The following TCF12 variants were observed in gnomAD, a reference collection of about 807,000 sequenced individuals.
TCF12 encodes the protein DNA-binding protein HTF4.
TCF12 carries 45 observed loss-of-function variants against 86.0 expected under a neutral mutation model. The ratio of observed to expected loss-of-function variants is 0.52; its 90% CI spans 0.41 to 0.67. TCF12 has a LOEUF of 0.67. TCF12 is among the 30% of genes least tolerant of loss of function. The pLI is 0.00. For missense variants in TCF12, 881 were observed against 859.9 expected (o/e 1.02, Z -0.31); for synonymous variants, 330 against 299.6 (o/e 1.10, Z -1.05).
intron 3 of TCF12, among the ~76,000 whole-genome samples, chr15:57,039,568 A>G (rs115698013): frequency 0.032 from 4,522 of 140,902 alleles, 190 homozygotes; most frequent in African/African-American, 0.093. Context: ...CCCATGACCA[A>G]AAAAAATCCT....
At chr15:57,064,222 A>G (rs1829124869) in intron 4 of TCF12, among the ~76,000 whole-genome samples, 2 of 152,304 alleles carry the variant, frequency 1.3e-5, no homozygotes, top group South Asian at 4.1e-4. Context: ...AGCCCTTTGC[A>G]TCAGGAACTC....
chr15:57,199,371 A>G (rs556478100), intron 8 of TCF12, among the ~76,000 whole-genome samples: 7 of 152,158 alleles, frequency 4.6e-5, no homozygotes, highest in Non-Finnish European at 1.0e-4. Context: ...TTTTCTTGTA[A>G]TTTATTACTG....
At chr15:57,104,510 C>G (rs1408033195) in intron 5 of TCF12, among the ~76,000 whole-genome samples, 1 of 134,260 alleles carries the variant, frequency 7.4e-6, no homozygotes, top group Non-Finnish European at 1.5e-5. Context: ...GGAGCGATCT[C>G]GGCTCACCAC....
At chr15:57,020,595 A>G (rs1401563715) in intron 3 of TCF12, among the ~76,000 whole-genome samples, 1 of 152,224 alleles carries the variant, frequency 6.6e-6, no homozygotes, top group Non-Finnish European at 1.5e-5. Context: ...GTAGAGAACC[A>G]TTATGTCTTA....
intron 19 of TCF12, 78 bp downstream of exon 19, chr15:57,273,340 T>C: frequency 1.4e-6 from 2 of 1,428,704 alleles, no homozygotes; most frequent in Non-Finnish European, 1.9e-6. Context: ...GCTCTTCTGC[T>C]TGGAGAAGTT....
chr15:56,918,465 C>T, upstream of TCF12: 1 of 334,774 alleles, frequency 3.0e-6, no homozygotes, highest in Non-Finnish European at 5.9e-6. Flanking sequence ...CCCACCGGCC[C>T]CAACTCCGTC....
At chr15:57,259,069 A>G (rs530697335) in intron 16 of TCF12, among the ~76,000 whole-genome samples, 99 of 152,238 alleles carry the variant, frequency 6.5e-4, no homozygotes, top group African/African-American at 2.4e-3. Flanking sequence ...TTTTTCCTAA[A>G]TGGGCAATTT....
chr15:56,986,496 G>A (rs1433815969), intron 3 of TCF12, among the ~76,000 whole-genome samples: 2 of 152,108 alleles, frequency 1.3e-5, no homozygotes, highest in Non-Finnish European at 2.9e-5. Context: ...AGCTGACTGT[G>A]TAAAAATCTT....
At chr15:57,210,731 C>T (rs745814254) in intron 8 of TCF12, among the ~76,000 whole-genome samples, 3 of 152,150 alleles carry the variant, frequency 2.0e-5, no homozygotes, top group Non-Finnish European at 2.9e-5. Context: ...GGCAAGGAAG[C>T]GTCCTCAAGA....
At chr15:56,926,218 CAGG>C (rs1179357831) in intron 3 of TCF12, among the ~76,000 whole-genome samples, 1 of 151,054 alleles carries the variant, frequency 6.6e-6, no homozygotes, top group Non-Finnish European at 1.5e-5. Context: ...GAGGCTGAGG[CAGG>C]AGAATTGCTT....
At chr15:57,028,166 C>G (rs1177362918) in intron 3 of TCF12, among the ~76,000 whole-genome samples, 1 of 152,090 alleles carries the variant, frequency 6.6e-6, no homozygotes, top group African/African-American at 2.4e-5. Context: ...CGGGGTTTCG[C>G]CATGTTGGGC....
At chr15:57,056,656 G>A (rs556597499) in intron 3 of TCF12, among the ~76,000 whole-genome samples, 2 of 151,298 alleles carry the variant, frequency 1.3e-5, no homozygotes, top group South Asian at 4.2e-4. Context: ...ATAGAGTTTT[G>A]CCATGTTGCT....
intron 16 of TCF12, 144 bp from the exon 17 acceptor site, chr15:57,261,950 C>T (rs549751695): frequency 9.7e-6 from 5 of 515,362 alleles, no homozygotes; most frequent in Non-Finnish European, 1.0e-5. Flanking sequence ...TCCCCAAAAA[C>T]CAGAATAATG....
intron 18 of TCF12, among the ~76,000 whole-genome samples, chr15:57,264,336 G>C (rs1309366118): frequency 1.3e-5 from 2 of 149,974 alleles, no homozygotes; most frequent in East Asian, 4.0e-4. Context: ...AAGTAGCTGG[G>C]ATTACAGGCA....
At chr15:57,114,698 A>C (rs2050723095) in intron 5 of TCF12, among the ~76,000 whole-genome samples, 1 of 152,134 alleles carries the variant, frequency 6.6e-6, no homozygotes, top group Admixed American at 6.5e-5. Flanking sequence ...AGGGTACATG[A>C]ATTCCTCTCA....
intron 18 of TCF12, among the ~76,000 whole-genome samples, chr15:57,268,783 C>A (rs74920560): frequency 0.048 from 7,340 of 151,496 alleles, 484 homozygotes; most frequent in African/African-American, 0.15. Flanking sequence ...GAAAAGTATG[C>A]ACAAAAATCA....
intron 3 of TCF12, among the ~76,000 whole-genome samples, chr15:56,925,247 C>CA (rs1555447376): frequency 1.5e-5 from 2 of 136,292 alleles, no homozygotes; most frequent in Non-Finnish European, 3.2e-5. Flanking sequence ...ACCGCCCCCC[C>CA]ACCCCCCCGC....
chr15:56,927,605 G>C (rs533350803), intron 3 of TCF12, among the ~76,000 whole-genome samples: 1 of 152,112 alleles, frequency 6.6e-6, no homozygotes, highest in Non-Finnish European at 1.5e-5. Context: ...ATGGATTTTT[G>C]TTAATTTGCT....
chr15:57,103,902 G>A (rs750376706), intron 5 of TCF12, among the ~76,000 whole-genome samples: 6 of 152,146 alleles, frequency 3.9e-5, no homozygotes, highest in Non-Finnish European at 8.8e-5. Flanking sequence ...CAGCTACTCA[G>A]GAGGCTGAGG....
Sources: gnomAD v4.1 joint callset for allele counts (sites outside exome capture counted in the v4.1 genomes callset) on GRCh38, gnomAD v4.1.1 for gene constraint, MANE v1.5 for transcripts, NCBI Gene and HGNC (gene_info 2026-07-23, HGNC 2026-07-21) for gene names.